Variants in HACD1 observed in about 807,000 individuals in gnomAD.
HACD1 encodes the protein 3-hydroxyacyl-CoA dehydratase 1.
A neutral mutation model predicts 32.0 loss-of-function variants in HACD1; 41 were observed. The observed-to-expected ratio is 1.28, with a 90% CI of 1.00 to 1.66. The LOEUF (loss-of-function observed/expected upper bound fraction) is 1.66. Among genes scored for constraint, HACD1 ranks in the 40% most tolerant of loss-of-function variants. The probability of loss-of-function intolerance (pLI) is 0.00; values close to 1 mark genes in which losing one functional copy is unlikely to be tolerated. For missense variants in HACD1, 396 were observed against 380.1 expected (o/e 1.04, Z -0.35); for synonymous variants, 142 against 139.0 (o/e 1.02, Z -0.15).
At chr10:17,603,010 C>A (rs905042302) in intron 4 of HACD1, 2 of 152,320 alleles carry the variant, frequency 1.3e-5, no homozygotes, top group East Asian at 3.8e-4. Flanking sequence ...GCCTCGGCCT[C>A]CTGAGTAGCT....
intron 1 of HACD1, among the ~76,000 whole-genome samples, chr10:17,611,364 G>T (rs1834233420): frequency 6.6e-6 from 1 of 152,258 alleles, no homozygotes; most frequent in East Asian, 1.9e-4. Flanking sequence ...AACTCATGCT[G>T]TTTCCCCACT....
intron 6 of HACD1, among the ~76,000 whole-genome samples, chr10:17,592,021 A>G (rs368164287): frequency 9.2e-5 from 11 of 120,144 alleles, no homozygotes; most frequent in African/African-American, 3.7e-4. Context: ...TCACTCTGTC[A>G]CTCAGGCTGG....
Position 17,615,612 on chromosome 10 carries a change from G to A in HACD1, c.257+1471C>T, listed in dbSNP as rs994306217. On this transcript the variant is annotated intron_variant, in intron 1 of 6. Transcript: ENST00000361271. ...TGAGGTGGGAGGATTGCTTGAGGCC[G>A]GGAGTTTGAGACCAGCCTAGCCAAC... 35 of 156,308 alleles carry A rather than the reference G, an allele frequency of 2.2e-4. 1 individual carries two copies. The highest frequency in any genetic ancestry group is 7.2e-4 in the African/African-American group (30 of 41,438). The allele number at this position is 156,308 out of a possible 1,614,324, so 9.7% of individuals were successfully genotyped here.
chr10:17,604,073 G>A, intron 1 of HACD1, 26 bp from the exon 2 acceptor site: 3 of 1,445,086 alleles, frequency 2.1e-6, no homozygotes, highest in Non-Finnish European at 2.8e-6. Flanking sequence ...ATTTCATAAA[G>A]TTCTTTCGAA....
At chr10:17,593,802 T>C (rs1292078714) in intron 6 of HACD1, among the ~76,000 whole-genome samples, 11 of 152,236 alleles carry the variant, frequency 7.2e-5, no homozygotes, top group African/African-American at 2.4e-4. Flanking sequence ...TTTCCAAGTA[T>C]ATGCTTAATG....
intron 5 of HACD1, chr10:17,598,958 A>C (rs1834030978): frequency 1.1e-5 from 2 of 181,942 alleles, no homozygotes; most frequent in East Asian, 1.5e-4. Flanking sequence ...ACAAAAAAAA[A>C]ACATATTTTT....
intron 4 of HACD1, chr10:17,603,245 G>A: frequency 4.6e-6 from 1 of 217,032 alleles, no homozygotes; most frequent in Admixed American, 5.4e-5. Context: ...GGACAACTTG[G>A]ATTGAAAAGA....
intron 6 of HACD1, among the ~76,000 whole-genome samples, chr10:17,591,209 G>A (rs1417275913): frequency 6.6e-6 from 1 of 151,270 alleles, no homozygotes; most frequent in Non-Finnish European, 1.5e-5. Flanking sequence ...ATACATCTAA[G>A]CTTCATCCAT....
intron 5 of HACD1, among the ~76,000 whole-genome samples, chr10:17,597,630 C>G (rs1177393044): frequency 1.3e-5 from 2 of 152,136 alleles, no homozygotes; most frequent in Non-Finnish European, 2.9e-5. Flanking sequence ...TTTGTAAATT[C>G]AGCACATGAA....
At chr10:17,607,839 A>G (rs1410865244) in intron 1 of HACD1, among the ~76,000 whole-genome samples, 5 of 152,186 alleles carry the variant, frequency 3.3e-5, no homozygotes, top group African/African-American at 1.2e-4. Flanking sequence ...TAAGGCCAGG[A>G]GCCAATTGAA....
rs556888412 is a variant in HACD1 at position 17,590,378 on chromosome 10, C to G, written c.853G>C (p.Glu285Gln). ...GCAGAGATCATTTAATCATCCTTTT[C>G]TACAATCACCTCTCCATGAAGCACC... Reference protein sequence around the residue: ...RKVLHGEVIVEKDD With the variant: ...RKVLHGEVIVQKDD The change falls in exon 7 of 7, where the codon GAA becomes CAA. Residue 285 changes from glutamate to glutamine, a missense_variant. Glu to Gln is a conservative substitution (Grantham distance 29, BLOSUM62 2). Transcript: ENST00000361271. 4.5e-5 allele frequency: 71 copies of G among 1,595,336 alleles called. 1 individual carries two copies. The South Asian group carries it at 7.9e-4, about 18-fold the overall frequency.
chr10:17,610,963 C>T (rs1343081412), intron 1 of HACD1, among the ~76,000 whole-genome samples: 7 of 151,680 alleles, frequency 4.6e-5, no homozygotes, highest in Middle Eastern at 3.4e-3. Flanking sequence ...GCTACCTGTC[C>T]GCCTTCATTT....
chr10:17,595,213 C>A (rs1460604726), intron 5 of HACD1, among the ~76,000 whole-genome samples: 1 of 152,102 alleles, frequency 6.6e-6, no homozygotes, highest in East Asian at 1.9e-4. Context: ...CATAAAATCA[C>A]AAATGACTGC....
At chr10:17,605,177 T>A (rs977699017) in intron 1 of HACD1, among the ~76,000 whole-genome samples, 8 of 151,948 alleles carry the variant, frequency 5.3e-5, no homozygotes, top group Admixed American at 2.0e-4. Context: ...CAGAAGGAAG[T>A]AATGGTTACA....
chr10:17,594,249 T>C lies in HACD1; in HGVS notation c.740A>G (p.Asp247Gly). 1 of 1,594,756 alleles carries C rather than the reference T, an allele frequency of 6.3e-7. No individual in the cohort carries two copies. The part of the protein sequence containing the change: ...RLPNKYNVSF[D>G]YYYFLLITMA... Reference sequence around the variant, plus strand: ...GGTTATAAGAAGAAAATAATAGTAGTCAAAAGAGACATTGTATTTGTTAGG... The same window carrying C: ...GGTTATAAGAAGAAAATAATAGTAGCCAAAAGAGACATTGTATTTGTTAGG... The change falls in exon 6 of 7, where the codon GAC becomes GGC. Residue 247 changes from aspartate to glycine, a missense_variant. Transcript: ENST00000361271.
intron 4 of HACD1, among the ~76,000 whole-genome samples, chr10:17,599,740 C>T (rs1834043209): frequency 6.6e-6 from 1 of 152,160 alleles, no homozygotes; most frequent in Non-Finnish European, 1.5e-5. Context: ...TTGAATCACA[C>T]CTGTTCTACT....
chr10:17,596,135 T>C (rs1202089968), intron 5 of HACD1, among the ~76,000 whole-genome samples: 5 of 152,206 alleles, frequency 3.3e-5, no homozygotes, highest in Non-Finnish European at 4.4e-5. Context: ...AAAGTCAAAG[T>C]TGTCAGTATT....
intron 1 of HACD1, among the ~76,000 whole-genome samples, chr10:17,612,442 T>G (rs1223573626): frequency 6.6e-6 from 1 of 152,114 alleles, no homozygotes; most frequent in African/African-American, 2.4e-5. Flanking sequence ...CTTCTTGGAG[T>G]TTACACTCTA....
At chr10:17,591,935 T>C (rs1405942861) in intron 6 of HACD1, among the ~76,000 whole-genome samples, 3 of 151,316 alleles carry the variant, frequency 2.0e-5, no homozygotes, top group African/African-American at 7.3e-5. Flanking sequence ...ACAGAAGGTA[T>C]GGGCTTGAGT....
Sources: gnomAD v4.1 joint callset for allele counts (sites outside exome capture counted in the v4.1 genomes callset) on GRCh38, gnomAD v4.1.1 for gene constraint, MANE v1.5 for transcripts, NCBI Gene and HGNC (gene_info 2026-07-23, HGNC 2026-07-21) for gene names.